Variants in PTPRD observed in about 807,000 individuals in gnomAD.
PTPRD encodes protein tyrosine phosphatase receptor type D.
PTPRD carries 34 observed loss-of-function variants against 214.5 expected under a neutral mutation model. The ratio of observed to expected loss-of-function variants is 0.16; its 90% CI spans 0.12 to 0.21. The LOEUF is 0.21. PTPRD is among the 10% of genes least tolerant of loss of function. The pLI is 1.00. For synonymous variants in PTPRD, 1,128 were observed against 845.7 expected (o/e 1.33, Z -5.79); for missense variants, 2,545 against 2,398.7 (o/e 1.06, Z -1.27).
chr9:8,650,049 C>G (rs768205603), intron 12 of PTPRD, among the ~76,000 whole-genome samples: 1 of 152,032 alleles, frequency 6.6e-6, no homozygotes, highest in Non-Finnish European at 1.5e-5. Context: ...TCCCGAGCAG[C>G]GAGGACTATG....
At chr9:8,975,247 A>G (rs2099262001) in intron 11 of PTPRD, among the ~76,000 whole-genome samples, 1 of 152,100 alleles carries the variant, frequency 6.6e-6, no homozygotes, top group Admixed American at 6.6e-5. Flanking sequence ...AGGAGATACC[A>G]AAAAGTAAAA....
chr9:9,283,522 G>T (rs1055426877), intron 9 of PTPRD, among the ~76,000 whole-genome samples: 4 of 151,322 alleles, frequency 2.6e-5, no homozygotes, highest in Non-Finnish European at 5.9e-5. Flanking sequence ...CAACTGCTAG[G>T]AAGTAAGCCC....
chr9:8,373,438 T>G (rs1386300066), intron 39 of PTPRD, among the ~76,000 whole-genome samples: 1 of 152,068 alleles, frequency 6.6e-6, no homozygotes, highest in African/African-American at 2.4e-5. Context: ...TCCACCAATA[T>G]ACCTACTCTT....
intron 14 of PTPRD, among the ~76,000 whole-genome samples, chr9:8,624,488 T>C (rs947175995): frequency 4.0e-5 from 6 of 151,864 alleles, no homozygotes; most frequent in Non-Finnish European, 8.8e-5. Context: ...CCTAGCACTA[T>C]TCTAGATGCT....
At chr9:9,965,427 A>G (rs932693916) in intron 4 of PTPRD, among the ~76,000 whole-genome samples, 93 of 152,264 alleles carry the variant, frequency 6.1e-4, no homozygotes, top group African/African-American at 2.0e-3. Context: ...CAGAAAAGGG[A>G]ACATCTCAGG....
chr9:9,012,973 G>C (rs1003858621), intron 11 of PTPRD, among the ~76,000 whole-genome samples: 1 of 151,982 alleles, frequency 6.6e-6, no homozygotes, highest in Admixed American at 6.6e-5. Flanking sequence ...AAAATTTTGA[G>C]TGTCTAAATT....
At chr9:9,657,191 G>T (rs903014582) in intron 7 of PTPRD, among the ~76,000 whole-genome samples, 1 of 151,904 alleles carries the variant, frequency 6.6e-6, no homozygotes, top group Non-Finnish European at 1.5e-5. Flanking sequence ...ATAATAAAAT[G>T]AAATAAAGTT....
chr9:10,426,536 T>C lies in PTPRD; in HGVS notation c.-599-85519A>G, dbSNP rs577039933. 3.9e-5 allele frequency among the ~76,000 whole-genome samples: 6 copies of C among 152,170 alleles called. No homozygotes were observed. The South Asian group carries it at 1.2e-3, about 32-fold the overall frequency. The stretch of plus-strand genomic sequence containing the variant: ...GCTTTGTTTAAAAGCCATTGGTCCA[T>C]ATTCACCTCATTTCTAGATGTCTTA... On this transcript the variant is annotated intron_variant, in intron 2 of 45. Transcript: ENST00000381196.
chr9:9,602,507 A>G (rs1819726137), intron 7 of PTPRD, among the ~76,000 whole-genome samples: 1 of 152,142 alleles, frequency 6.6e-6, no homozygotes, highest in Non-Finnish European at 1.5e-5. Flanking sequence ...AGTTATTTAT[A>G]TCTAAAAGAA....
intron 14 of PTPRD, among the ~76,000 whole-genome samples, chr9:8,594,672 C>T (rs765454327): frequency 1.3e-5 from 2 of 152,012 alleles, no homozygotes; most frequent in Non-Finnish European, 2.9e-5. Flanking sequence ...CCTTCCGACG[C>T]TCTCGCTCTG....
At chr9:9,638,761 G>C (rs925224393) in intron 7 of PTPRD, among the ~76,000 whole-genome samples, 11 of 152,066 alleles carry the variant, frequency 7.2e-5, no homozygotes, top group African/African-American at 2.7e-4. Flanking sequence ...ACAGATTACC[G>C]CAAACTAACT....
intron 7 of PTPRD, among the ~76,000 whole-genome samples, chr9:9,651,435 C>G (rs1344358365): frequency 6.6e-6 from 1 of 152,068 alleles, no homozygotes; most frequent in African/African-American, 2.4e-5. Flanking sequence ...TGTTGTTCCC[C>G]TCTATGTGTC....
chr9:8,328,071 C>T (rs1419154984), intron 44 of PTPRD, among the ~76,000 whole-genome samples: 1 of 152,106 alleles, frequency 6.6e-6, no homozygotes, highest in Non-Finnish European at 1.5e-5. Context: ...ATGATGTTTG[C>T]TGGTTATTTG....
At chr9:9,139,680 T>A (rs1454076665) in intron 10 of PTPRD, among the ~76,000 whole-genome samples, 2 of 152,140 alleles carry the variant, frequency 1.3e-5, no homozygotes, top group Non-Finnish European at 1.5e-5. Flanking sequence ...CTTCTCAGAA[T>A]GGTGCAAATT....
chr9:10,246,229 C>G (rs2092070198), intron 3 of PTPRD, among the ~76,000 whole-genome samples: 1 of 151,936 alleles, frequency 6.6e-6, no homozygotes, highest in African/African-American at 2.4e-5. Context: ...TTAGTACCAA[C>G]TCGATTGGCT....
chr9:9,128,391 T>A (rs2099837352), intron 10 of PTPRD, among the ~76,000 whole-genome samples: 1 of 152,190 alleles, frequency 6.6e-6, no homozygotes, highest in Admixed American at 6.5e-5. Flanking sequence ...AGTAAACAGA[T>A]GACTGATGAT....
chr9:10,383,566 T>C (rs1016070460), intron 2 of PTPRD, among the ~76,000 whole-genome samples: 1 of 151,862 alleles, frequency 6.6e-6, no homozygotes, highest in Non-Finnish European at 1.5e-5. Context: ...TTATTTTAAC[T>C]CACTTTTCTT....
chr9:10,194,317 CATATAT>C (rs5896377), intron 3 of PTPRD, among the ~76,000 whole-genome samples: 217 of 75,680 alleles, frequency 2.9e-3, no homozygotes, highest in East Asian at 6.1e-3. Flanking sequence ...TATAGCTATT[CATATAT>C]ATATATATAT....
At chr9:9,170,758 C>T (rs1427587458) in intron 10 of PTPRD, among the ~76,000 whole-genome samples, 1 of 152,130 alleles carries the variant, frequency 6.6e-6, no homozygotes, top group Admixed American at 6.6e-5. Flanking sequence ...TCCATCCAAC[C>T]TAGAGAAACA....
Sources: gnomAD v4.1 joint callset for allele counts (sites outside exome capture counted in the v4.1 genomes callset) on GRCh38, gnomAD v4.1.1 for gene constraint, MANE v1.5 for transcripts, NCBI Gene and HGNC (gene_info 2026-07-23, HGNC 2026-07-21) for gene names.